RAPGEF2: variants seen among roughly 807,000 people sequenced by gnomAD.
The protein encoded by RAPGEF2 is PDZ domain containing guanine nucleotide exchange factor (GEF) 1.
RAPGEF2 carries 54 observed loss-of-function variants against 186.7 expected under a neutral mutation model. The observed-to-expected ratio is 0.29, with a 90% confidence interval of 0.23 to 0.36. The LOEUF (loss-of-function observed/expected upper bound fraction) is 0.36, where lower values mean the gene tolerates loss of function less well. Among genes scored for constraint, RAPGEF2 ranks in the 10% least tolerant of loss-of-function variants. The pLI, the probability that RAPGEF2 is intolerant of heterozygous loss-of-function variation, is 1.00. For synonymous variants in RAPGEF2, 712 were observed against 705.9 expected (o/e 1.01, Z -0.14); for missense variants, 1,532 against 2,045.0 (o/e 0.75, Z 4.84).
chr4:159,126,829 A>AC (rs535366258), intron 1 of RAPGEF2, among the ~76,000 whole-genome samples: 17 of 152,116 alleles, frequency 1.1e-4, no homozygotes, highest in African/African-American at 3.9e-4. Context: ...AGAGGAAAAA[A>AC]CCCGAGTCCT....
chr4:159,114,488 C>T (rs1014136276), intron 1 of RAPGEF2, among the ~76,000 whole-genome samples: 9 of 152,172 alleles, frequency 5.9e-5, no homozygotes, highest in African/African-American at 1.7e-4. Context: ...CTTCTCCTCT[C>T]GGCCTCCCAA....
intron 1 of RAPGEF2, among the ~76,000 whole-genome samples, chr4:159,180,502 A>G (rs1335233156): frequency 6.6e-6 from 1 of 152,218 alleles, no homozygotes; most frequent in East Asian, 1.9e-4. Flanking sequence ...TAGCAGAATA[A>G]TGTAGTCTTT....
At chr4:159,222,471 G>C (rs1751635219) in intron 4 of RAPGEF2, among the ~76,000 whole-genome samples, 1 of 152,168 alleles carries the variant, frequency 6.6e-6, no homozygotes, top group Non-Finnish European at 1.5e-5. Context: ...TGGTTGCAGT[G>C]ATGTTTATAT....
intron 4 of RAPGEF2, among the ~76,000 whole-genome samples, chr4:159,224,254 C>A (rs1751804061): frequency 6.6e-6 from 1 of 152,112 alleles, no homozygotes; most frequent in African/African-American, 2.4e-5. Flanking sequence ...TGTTTGAAAG[C>A]ATCATTGTGG....
chr4:159,183,187 T>C (rs1453501852), intron 1 of RAPGEF2, among the ~76,000 whole-genome samples: 1 of 152,184 alleles, frequency 6.6e-6, no homozygotes, highest in Admixed American at 6.5e-5. Flanking sequence ...CTACCAAAGC[T>C]GCCTACTCAA....
intron 1 of RAPGEF2, among the ~76,000 whole-genome samples, chr4:159,109,953 C>T (rs963515379): frequency 1.3e-5 from 2 of 152,164 alleles, no homozygotes; most frequent in Non-Finnish European, 2.9e-5. Context: ...CTGTTAAAGA[C>T]TGATGTTCAT....
intron 1 of RAPGEF2, among the ~76,000 whole-genome samples, chr4:159,181,711 A>G (rs1747029216): frequency 6.7e-6 from 1 of 148,790 alleles, no homozygotes; most frequent in African/African-American, 2.5e-5. Flanking sequence ...AATTTTTTGT[A>G]TTTTTAGTAG....
intron 7 of RAPGEF2, among the ~76,000 whole-genome samples, chr4:159,262,319 T>C (rs1756967610): frequency 6.6e-6 from 1 of 152,174 alleles, no homozygotes; most frequent in Non-Finnish European, 1.5e-5. Context: ...AACATATTAA[T>C]CCCAAGGGAA....
intron 3 of RAPGEF2, among the ~76,000 whole-genome samples, chr4:159,209,288 A>G (rs1750285941): frequency 6.6e-6 from 1 of 152,144 alleles, no homozygotes; most frequent in Admixed American, 6.5e-5. Context: ...AAAAAAAAAT[A>G]GAAATGACTC....
At position 159,346,827 on chromosome 4, in the gene RAPGEF2, G is replaced by C. The variant is rs201922456; in HGVS notation, c.3541G>C (p.Glu1181Gln). Residue 1181 changes from glutamate (E) to glutamine (Q), a missense_variant, in exon 25 of 30, where the codon GAG (glutamate) becomes CAG (glutamine). Physicochemically the swap from Glu to Gln is conservative, Grantham distance 29. Around this residue, in one of 4 missense-constraint regions of RAPGEF2, gnomAD observed 117 missense variants for 180.8 expected, o/e 0.65. Coordinates refer to ENST00000691494, the MANE Select transcript of RAPGEF2 (RefSeq NM_001394067.2). ...TGGTGACAAAAAGCCTGTCAAATCC[G>C]AGACCTCTCCAGTAGCTCCAAGGGC... is the stretch of plus-strand genomic sequence containing the variant. ...NPGDKKPVKSETSPVAPRAGS... is the reference protein window; with the variant it reads ...NPGDKKPVKSQTSPVAPRAGS... 5.0e-6 allele frequency: 8 copies of C among 1,613,964 alleles called. No individual in the cohort carries two copies. The highest frequency in any genetic ancestry group is 5.9e-6 in the Non-Finnish European group (7 of 1,180,034).
At chr4:159,330,789 CAT>C (rs1766585275) in intron 13 of RAPGEF2, 1 of 309,688 alleles carries the variant, frequency 3.2e-6, no homozygotes, top group African/African-American at 2.3e-5. Flanking sequence ...TGTGTTAAAA[CAT>C]AAACATCTGG....
At chr4:159,303,376 A>G (rs1762903453) in intron 7 of RAPGEF2, among the ~76,000 whole-genome samples, 1 of 152,294 alleles carries the variant, frequency 6.6e-6, no homozygotes, top group African/African-American at 2.4e-5. Flanking sequence ...GCTAAATAGG[A>G]TCAATATGCA....
intron 7 of RAPGEF2, among the ~76,000 whole-genome samples, chr4:159,302,147 TTG>T (rs1762745828): frequency 6.6e-6 from 1 of 152,176 alleles, no homozygotes; most frequent in Non-Finnish European, 1.5e-5. Flanking sequence ...GATGAATAGA[TTG>T]TGGTATCTAA....
intron 1 of RAPGEF2, among the ~76,000 whole-genome samples, chr4:159,153,337 ATT>A (rs1423320431): frequency 6.6e-6 from 1 of 152,148 alleles, no homozygotes; most frequent in Non-Finnish European, 1.5e-5. Flanking sequence ...GATTTAATCG[ATT>A]TGGAGTGTGG....
At chr4:159,187,876 T>C (rs1461095482) in intron 2 of RAPGEF2, among the ~76,000 whole-genome samples, 1 of 152,218 alleles carries the variant, frequency 6.6e-6, no homozygotes, top group Non-Finnish European at 1.5e-5. Context: ...TCCCCTTTAC[T>C]CTTTCAACAC....
intron 1 of RAPGEF2, among the ~76,000 whole-genome samples, chr4:159,174,436 G>C (rs1372365802): frequency 6.6e-6 from 1 of 152,100 alleles, no homozygotes; most frequent in Non-Finnish European, 1.5e-5. Flanking sequence ...GACTGCTCTG[G>C]GGCTCCCTGA....
At chr4:159,268,449 A>G (rs903552979) in intron 7 of RAPGEF2, among the ~76,000 whole-genome samples, 2 of 152,174 alleles carry the variant, frequency 1.3e-5, no homozygotes, top group Non-Finnish European at 2.9e-5. Flanking sequence ...AATACTGAGA[A>G]ATATTGGGCA....
At chr4:159,166,331 A>T (rs1054204692) in intron 1 of RAPGEF2, among the ~76,000 whole-genome samples, 1 of 152,046 alleles carries the variant, frequency 6.6e-6, no homozygotes, top group African/African-American at 2.4e-5. Context: ...AAATGTAAGG[A>T]AAAGGGCAGA....
intron 7 of RAPGEF2, among the ~76,000 whole-genome samples, chr4:159,287,788 T>C (rs1000011948): frequency 6.6e-6 from 1 of 152,186 alleles, no homozygotes; most frequent in African/African-American, 2.4e-5. Context: ...TTCTGTGATA[T>C]AAAAGCAAAA....
Sources: gnomAD v4.1 joint callset for allele counts (sites outside exome capture counted in the v4.1 genomes callset) on GRCh38, gnomAD v4.1.1 for gene constraint, gnomAD v4.1.1 regional missense constraint, MANE v1.5 for transcripts, NCBI Gene and HGNC (gene_info 2026-07-23, HGNC 2026-07-21) for gene names.